The following EYS variants were observed in gnomAD, a reference collection of about 807,000 sequenced individuals.
EYS encodes the protein protein eyes shut homolog.
In EYS, 250 loss-of-function variants were observed where a neutral mutation model predicts 282.1. The ratio of observed to expected loss-of-function variants is 0.89; its 90% CI spans 0.80 to 0.98. The LOEUF (loss-of-function observed/expected upper bound fraction) is 0.98. Ranked by LOEUF, EYS falls within the 50% of genes least tolerant of loss-of-function variation. The pLI, the probability that EYS is intolerant of heterozygous loss-of-function variation, is 0.00. For synonymous variants in EYS, 1,355 were observed against 1,282.9 expected, an observed-to-expected ratio of 1.06 and a Z score of -1.20; for missense variants, 4,016 against 3,709.0, an observed-to-expected ratio of 1.08 and a Z score of -2.15.
At chr6:65,475,907 G>A (rs1011916463) in intron 5 of EYS, among the ~76,000 whole-genome samples, 1 of 151,870 alleles carries the variant, frequency 6.6e-6, no homozygotes, top group African/African-American at 2.4e-5. Context: ...GAATATTACA[G>A]AACCGATTAC....
chr6:65,449,158 C>T (rs899671399), intron 5 of EYS, among the ~76,000 whole-genome samples: 9 of 152,146 alleles, frequency 5.9e-5, no homozygotes, highest in African/African-American at 2.2e-4. Flanking sequence ...TCTGAGGCTT[C>T]TGTTGTTTTC....
chr6:64,999,652 C>A (rs941857127), intron 13 of EYS, among the ~76,000 whole-genome samples: 5 of 152,132 alleles, frequency 3.3e-5, no homozygotes, highest in African/African-American at 1.2e-4. Context: ...ACACATGTGG[C>A]TGGATGTAGT....
intron 26 of EYS, among the ~76,000 whole-genome samples, chr6:64,581,073 A>C (rs1213907029): frequency 6.6e-6 from 1 of 152,156 alleles, no homozygotes; most frequent in Non-Finnish European, 1.5e-5. Flanking sequence ...CAAAATAAGA[A>C]AGTATATATC....
intron 35 of EYS, among the ~76,000 whole-genome samples, chr6:63,878,474 T>G (rs923844422): frequency 1.3e-5 from 2 of 152,328 alleles, no homozygotes; most frequent in African/African-American, 4.8e-5. Context: ...TCAAACTCCA[T>G]GCTCGGAGAA....
At chr6:64,143,489 C>A (rs1031314629) in intron 31 of EYS, among the ~76,000 whole-genome samples, 2 of 151,214 alleles carry the variant, frequency 1.3e-5, no homozygotes, top group African/African-American at 2.4e-5. Context: ...TTTTCTGTAA[C>A]CTAAAAGTGC....
chr6:65,544,886 A>T (rs1415841156), intron 2 of EYS, among the ~76,000 whole-genome samples: 2 of 152,176 alleles, frequency 1.3e-5, no homozygotes, highest in African/African-American at 4.8e-5. Context: ...CATTCTAACC[A>T]AAGTACATGT....
intron 30 of EYS, among the ~76,000 whole-genome samples, chr6:64,254,004 T>TAATC (rs1425242052): frequency 6.6e-6 from 1 of 152,088 alleles, no homozygotes; most frequent in East Asian, 1.9e-4. Context: ...CTGGGAACTG[T>TAATC]AATCAACCTA....
At chr6:65,406,263 T>A (rs1252096122) in intron 5 of EYS, among the ~76,000 whole-genome samples, 1 of 152,150 alleles carries the variant, frequency 6.6e-6, no homozygotes, top group Non-Finnish European at 1.5e-5. Flanking sequence ...TTTTAAATTG[T>A]GTTATCAGCT....
intron 31 of EYS, among the ~76,000 whole-genome samples, chr6:64,173,118 T>C (rs1339803254): frequency 1.3e-5 from 2 of 152,128 alleles, no homozygotes; most frequent in African/African-American, 2.4e-5. Flanking sequence ...CAGAAACTCA[T>C]AGTCTTGAGT....
intron 31 of EYS, among the ~76,000 whole-genome samples, chr6:64,221,704 C>G (rs999851845): frequency 2.0e-5 from 3 of 152,082 alleles, no homozygotes; most frequent in African/African-American, 7.2e-5. Context: ...AAATTGCACA[C>G]CTTTCTGAGT....
intron 35 of EYS, among the ~76,000 whole-genome samples, chr6:63,915,900 ATGT>A (rs1021623719): frequency 2.0e-5 from 3 of 152,210 alleles, no homozygotes; most frequent in African/African-American, 7.2e-5. Context: ...ATGAGCAAAG[ATGT>A]TGGTCCCTTG....
intron 1 of EYS, among the ~76,000 whole-genome samples, chr6:65,676,485 A>G (rs1322034282): frequency 6.6e-6 from 1 of 151,870 alleles, no homozygotes. Flanking sequence ...CCAGACACAT[A>G]CAACCTACTA....
chr6:64,729,894 T>C (rs975682502), intron 22 of EYS, among the ~76,000 whole-genome samples: 3 of 152,210 alleles, frequency 2.0e-5, no homozygotes, highest in African/African-American at 7.2e-5. Flanking sequence ...AAAATAGTTG[T>C]ACAGGTGAAA....
Position 64,436,177 on chromosome 6 carries a change from A to G in EYS, c.5924T>C (p.Ile1975Thr). 6.6e-7 allele frequency: 1 copy of G among 1,509,510 alleles called. No homozygotes were observed. The highest frequency in any genetic ancestry group is 9.0e-7 in the Non-Finnish European group (1 of 1,115,362). 93.5% of individuals were successfully genotyped at this position (1,509,510 alleles called of 1,614,324 possible). A position where few individuals can be genotyped will look rare whatever the true frequency, so the allele number is the denominator to read the frequency against. Residue 1975 changes from isoleucine to threonine, a missense_variant, in exon 28 of 43, where the codon ATC becomes ACC. Transcript: ENST00000503581. ...VDNGQKYTLL[I>T]RQELDPCNAE... Reference sequence around the variant, plus strand: ...GGAAAAGAAATAATTATCTTACCTGATAAGCAGTGTATACTTTTGCCCGTT... The same window carrying G: ...GGAAAAGAAATAATTATCTTACCTGGTAAGCAGTGTATACTTTTGCCCGTT...
At chr6:64,549,476 G>A (rs971948607) in intron 26 of EYS, among the ~76,000 whole-genome samples, 1 of 152,144 alleles carries the variant, frequency 6.6e-6, no homozygotes, top group Non-Finnish European at 1.5e-5. Flanking sequence ...AAGATTAACT[G>A]TGAGATGGTT....
At chr6:64,123,037 T>G (rs1773643075) in intron 31 of EYS, among the ~76,000 whole-genome samples, 1 of 152,088 alleles carries the variant, frequency 6.6e-6, no homozygotes, top group Non-Finnish European at 1.5e-5. Context: ...GAATTTACAG[T>G]CTAATAACAG....
chr6:65,695,070 C>G (rs899683532), intron 1 of EYS, among the ~76,000 whole-genome samples: 1 of 151,886 alleles, frequency 6.6e-6, no homozygotes, highest in Non-Finnish European at 1.5e-5. Flanking sequence ...ATACATTTTA[C>G]AAGAAAACTA....
At chr6:64,760,196 A>G (rs770822605) in intron 22 of EYS, among the ~76,000 whole-genome samples, 4 of 152,136 alleles carry the variant, frequency 2.6e-5, no homozygotes, top group Non-Finnish European at 5.9e-5. Flanking sequence ...TTCCCCCATC[A>G]GCATCTGTAC....
At chr6:65,155,550 G>T (rs1422469027) in intron 12 of EYS, among the ~76,000 whole-genome samples, 3 of 151,570 alleles carry the variant, frequency 2.0e-5, no homozygotes, top group Middle Eastern at 3.4e-3. Flanking sequence ...GAAATGTATA[G>T]ATTCATTTTA....
Sources: allele counts gnomAD v4.1 joint callset (sites outside exome capture counted in the v4.1 genomes callset), GRCh38; gene constraint gnomAD v4.1.1; transcripts MANE v1.5; gene names NCBI Gene and HGNC (gene_info 2026-07-23, HGNC 2026-07-21).